WNT9B: variants seen among roughly 807,000 people sequenced by gnomAD.
WNT9B encodes protein Wnt-9b.
In WNT9B, 12 loss-of-function variants were observed where a neutral mutation model predicts 30.2. That is an observed-to-expected ratio of 0.40 (90% CI 0.26 to 0.64). The LOEUF (loss-of-function observed/expected upper bound fraction) is 0.64. Ranked by LOEUF, WNT9B falls within the 30% of genes least tolerant of loss-of-function variation. WNT9B has a pLI of 0.42. For missense variants in WNT9B, 442 were observed against 485.2 expected (o/e 0.91, Z 0.84); for synonymous variants, 218 against 216.9 (o/e 1.01, Z -0.05).
intron 2 of WNT9B, among the ~76,000 whole-genome samples, chr17:46,874,673 G>A (rs1235742498): frequency 6.6e-6 from 1 of 152,180 alleles, no homozygotes; most frequent in African/African-American, 2.4e-5. Flanking sequence ...CACCTTCCGG[G>A]TTCAAGTGAT....
At chr17:46,836,095 C>CGTGTGTGTGTGTGTGTGT (rs59862934) in intron 1 of WNT9B, among the ~76,000 whole-genome samples, 6,802 of 126,340 alleles carry the variant, frequency 0.054, 390 homozygotes, top group East Asian at 0.12. Context: ...GAGACGCTGA[C>CGTGTGTGTGTGTGTGTGT]GTGTGTGTGT....
At chr17:46,863,417 A>G (rs909992929) in intron 1 of WNT9B, among the ~76,000 whole-genome samples, 8 of 152,214 alleles carry the variant, frequency 5.3e-5, no homozygotes, top group African/African-American at 1.9e-4. Flanking sequence ...ATGAAAAACC[A>G]TGGCCTCTGC....
upstream of WNT9B, among the ~76,000 whole-genome samples, chr17:46,849,822 T>C (rs1174609784): frequency 6.6e-6 from 1 of 151,396 alleles, no homozygotes; most frequent in Non-Finnish European, 1.5e-5. Context: ...TGATATTAGG[T>C]GCCGGCACCT....
Position 46,851,766 on chromosome 17 carries a change from C to A in WNT9B, c.77+51C>A. On this transcript the variant is annotated intron_variant, in intron 1 of 3. Transcript: ENST00000290015. This position sits in a 1 kb window ranked among gnomAD's most constrained non-coding sequence, Gnocchi z 4.3. ...CGCTCCCCGGCCTGCCTGTCTCTCC[C>A]TCCTGCGCTACAGCTGGGCCAATTT... is the stretch of plus-strand genomic sequence containing the variant. 1.0e-6 allele frequency: 1 copy of A among 992,050 alleles called. No individual in the cohort carries two copies. The highest frequency in any genetic ancestry group is 1.3e-6 in the Non-Finnish European group (1 of 761,240). The allele number at this position is 992,050 out of a possible 1,614,324, so 61.5% of individuals were successfully genotyped here.
At chr17:46,846,097 T>A (rs886564592) in intron 1 of WNT9B, among the ~76,000 whole-genome samples, 8 of 152,170 alleles carry the variant, frequency 5.3e-5, no homozygotes, top group African/African-American at 1.4e-4. Context: ...GGCCATGTTA[T>A]CTGAAATTGA....
At chr17:46,847,862 G>A (rs2084793785), upstream of WNT9B, among the ~76,000 whole-genome samples, 1 of 152,180 alleles carries the variant, frequency 6.6e-6, no homozygotes, top group Admixed American at 6.5e-5. Context: ...GGCTGGCCTG[G>A]GGGCAGGTGC....
chr17:46,838,786 A>G (rs892190906), intron 1 of WNT9B, among the ~76,000 whole-genome samples: 27 of 152,300 alleles, frequency 1.8e-4, no homozygotes, highest in African/African-American at 6.5e-4. Flanking sequence ...CGGGTTTACA[A>G]AAACAGATAA....
At position 46,838,979 on chromosome 17, in the gene WNT9B, G is replaced by A. The variant is rs143379656; in HGVS notation, c.95+5539G>A. Among the ~76,000 whole-genome samples the A allele has an allele frequency of 8.8e-3, 1,333 of 152,198 alleles. 18 individuals are homozygous for A. Among genetic ancestry groups the A allele is most frequent in the African/African-American group, 0.03 (1,235 of 41,534 alleles). On this transcript the variant is annotated intron_variant, in intron 1 of 2. Coordinates refer to the WNT9B transcript ENST00000575372. ...TGCAACCTCTTCCTCCCGGGTTCAAGCCATTCTCCTGCCTCAGCCTCCTGA... is the reference window on the plus strand; with the variant it reads ...TGCAACCTCTTCCTCCCGGGTTCAAACCATTCTCCTGCCTCAGCCTCCTGA...
intron 1 of WNT9B, among the ~76,000 whole-genome samples, chr17:46,852,944 C>G (rs2084878765): frequency 6.6e-6 from 1 of 152,112 alleles, no homozygotes; most frequent in African/African-American, 2.4e-5. Context: ...AGGGTATCAT[C>G]CCAGACCCTA....
rs1406882067 is a variant in WNT9B, at chr17:46,851,800, C to T, written c.77+85C>T. 3 of 704,570 alleles carry T rather than the reference C, an allele frequency of 4.3e-6. No individual in the cohort carries two copies. Among genetic ancestry groups the T allele is most frequent in the Non-Finnish European group, 4.0e-6 (2 of 502,446 alleles). The allele number at this position is 704,570 out of a possible 1,614,324, so 43.6% of individuals were successfully genotyped here. On this transcript the variant is annotated intron_variant, in intron 1 of 3. Coordinates refer to ENST00000290015, the MANE Select transcript of WNT9B (RefSeq NM_003396.3). This position sits in a 1 kb window ranked among gnomAD's most constrained non-coding sequence, Gnocchi z 4.3. ...TACAGCTGGGCCAATTTTTCCCTCC[C>T]GCTGTCCTTGGCCCCGCCGAGGTCT...
At chr17:46,866,353 AGT>A (rs1044914231) in intron 1 of WNT9B, among the ~76,000 whole-genome samples, 5 of 151,418 alleles carry the variant, frequency 3.3e-5, no homozygotes, top group African/African-American at 1.2e-4. Context: ...GGTGTGTGAG[AGT>A]GTGTGTGTGA....
chr17:46,885,181 T>C, downstream of WNT9B: 1 of 333,032 alleles, frequency 3.0e-6, no homozygotes, highest in Non-Finnish European at 5.9e-6. Flanking sequence ...TAATTTTGTA[T>C]TTTTAGTAGA....
At chr17:46,853,477 T>C (rs2084890598) in intron 1 of WNT9B, among the ~76,000 whole-genome samples, 1 of 149,586 alleles carries the variant, frequency 6.7e-6, no homozygotes, top group Admixed American at 6.8e-5. Context: ...GTTCAAGCGA[T>C]TCTCCTGCCT....
chr17:46,852,665 C>T (rs1396774897), intron 1 of WNT9B, among the ~76,000 whole-genome samples: 1 of 152,008 alleles, frequency 6.6e-6, no homozygotes, highest in Non-Finnish European at 1.5e-5. Flanking sequence ...CACCATCCAC[C>T]CAAAGCCAAC....
rs894893929 is a variant in WNT9B, at chr17:46,879,656, G to C, written c.*2938G>C. Among the ~76,000 whole-genome samples the C allele has an allele frequency of 3.3e-5, 5 of 152,236 alleles. No individual in the cohort carries two copies. Among genetic ancestry groups the C allele is most frequent in the African/African-American group, 1.2e-4 (5 of 41,462 alleles). On this transcript the variant is annotated 3_prime_UTR_variant, in exon 4 of 4. Coordinates refer to ENST00000290015, the MANE Select transcript of WNT9B (RefSeq NM_003396.3). Reference sequence around the variant, plus strand: ...GAGCTGTGCTCAAAGTCACACCTAAGAGACTTGTTCAATGAATATTTACTG... The same window carrying C: ...GAGCTGTGCTCAAAGTCACACCTAACAGACTTGTTCAATGAATATTTACTG...
chr17:46,871,473 A>G (rs1215483346), intron 1 of WNT9B, among the ~76,000 whole-genome samples: 2 of 152,088 alleles, frequency 1.3e-5, no homozygotes, highest in African/African-American at 4.8e-5. Context: ...TTGTTTCCTC[A>G]TCTGGACAAA....
chr17:46,836,272 G>A (rs62071981), intron 1 of WNT9B, among the ~76,000 whole-genome samples: 3 of 152,082 alleles, frequency 2.0e-5, no homozygotes, highest in Admixed American at 6.6e-5. Flanking sequence ...ATTCAACTGG[G>A]GCTCCCAGGG....
At chr17:46,862,163 C>CAAAAA (rs111407961) in intron 1 of WNT9B, among the ~76,000 whole-genome samples, 11 of 80,304 alleles carry the variant, frequency 1.4e-4, no homozygotes, top group East Asian at 3.0e-4. Flanking sequence ...AACTCCGTCT[C>CAAAAA]AAAAAAAAAA....
At chr17:46,873,201 C>T (rs1208320949) in intron 2 of WNT9B, among the ~76,000 whole-genome samples, 2 of 151,952 alleles carry the variant, frequency 1.3e-5, no homozygotes, top group Admixed American at 6.6e-5. Flanking sequence ...ACGAGCCAGG[C>T]GATGCATTTG....
Sources: gnomAD v4.1 joint callset for allele counts (sites outside exome capture counted in the v4.1 genomes callset) on GRCh38, gnomAD v4.1.1 for gene constraint, Gnocchi (gnomAD v3.1) non-coding constraint, MANE v1.5 for transcripts, NCBI Gene and HGNC (gene_info 2026-07-23, HGNC 2026-07-21) for gene names.